The following UGT2B4 variants were observed in gnomAD, a reference collection of about 807,000 sequenced individuals.
UGT2B4 encodes UDP glucuronosyltransferase family 2 member B4.
A neutral mutation model predicts 49.8 loss-of-function variants in UGT2B4; 49 were observed. The observed-to-expected ratio is 0.98, with a 90% CI of 0.78 to 1.25. The LOEUF (loss-of-function observed/expected upper bound fraction) is 1.25. UGT2B4 is among the 50% of genes most tolerant of loss of function. The pLI, the probability that UGT2B4 is intolerant of heterozygous loss-of-function variation, is 0.00. For missense variants in UGT2B4, 729 were observed against 627.7 expected (o/e 1.16, Z -1.73); for synonymous variants, 246 against 217.7 (o/e 1.13, Z -1.14).
At chr4:69,500,876 T>C (rs948888104), upstream of UGT2B4, among the ~76,000 whole-genome samples, 1 of 152,078 alleles carries the variant, frequency 6.6e-6, no homozygotes, top group Non-Finnish European at 1.5e-5. Context: ...CAGAGCTACA[T>C]GGAGTTTAGG....
At chr4:69,511,473 A>C (rs1377239702) in intron 1 of UGT2B4, among the ~76,000 whole-genome samples, 1 of 152,130 alleles carries the variant, frequency 6.6e-6, no homozygotes, top group African/African-American at 2.4e-5. Flanking sequence ...TTGTATGTTC[A>C]ACAATCCTTC....
chr4:69,485,220 A>G lies in UGT2B4; in HGVS notation c.1298T>C (p.Ile433Thr), dbSNP rs767233501. ...TDLLNALKTV[I>T]NDPLYKENAM... is the part of the protein sequence containing the mutation. Reference sequence around the variant, plus strand: ...AAGTTATACTCACAAAGGATCATTAATTACTGTCTTCAGTGCATTGAGTAA... The same window carrying G: ...AAGTTATACTCACAAAGGATCATTAGTTACTGTCTTCAGTGCATTGAGTAA... The change falls in exon 5 of 6, where the codon ATT becomes ACT. Residue 433 changes from isoleucine (I) to threonine (T), a missense_variant. Coordinates refer to ENST00000305107, the MANE Select transcript of UGT2B4 (RefSeq NM_021139.3). The G allele has an allele frequency of 6.2e-7, 1 of 1,614,018 alleles. No individual in the cohort carries two copies. Among genetic ancestry groups the G allele is most frequent in the South Asian group, 1.1e-5 (1 of 91,078 alleles).
At chr4:69,512,581 T>C (rs1402125873) in intron 1 of UGT2B4, among the ~76,000 whole-genome samples, 2 of 152,182 alleles carry the variant, frequency 1.3e-5, no homozygotes, top group African/African-American at 4.8e-5. Flanking sequence ...AGTAAGGAAA[T>C]TGCTGGCTCA....
chr4:69,522,786 GAC>G (rs1728878511), intron 1 of UGT2B4, among the ~76,000 whole-genome samples: 1 of 152,128 alleles, frequency 6.6e-6, no homozygotes. Context: ...AATAGTGTCT[GAC>G]AGCATTTTAC....
chr4:69,495,130 AAG>A lies in UGT2B4; in HGVS notation c.721+9_721+10del. The A allele has an allele frequency of 1.3e-6, 2 of 1,510,138 alleles. No individual in the cohort carries two copies. Among genetic ancestry groups the A allele is most frequent in the Non-Finnish European group, 1.8e-6 (2 of 1,133,716 alleles). 93.5% of individuals were successfully genotyped at this position (1,510,138 alleles called of 1,614,324 possible). A position where few individuals can be genotyped will look rare whatever the true frequency, so the allele number is the denominator to read the frequency against. ...TAGATCTTCATGTTACCAATCAAAA[AAG>A]TTACTTACCTAGAACTTCACTGTAG... On this transcript the variant is annotated intron_variant, in intron 1 of 5. Transcript: ENST00000305107.
chr4:69,504,469 G>T (rs1349158624), intron 1 of UGT2B4, among the ~76,000 whole-genome samples: 3 of 152,070 alleles, frequency 2.0e-5, no homozygotes, highest in Non-Finnish European at 2.9e-5. Context: ...AGTATTAACA[G>T]CAGAATAGAC....
At chr4:69,523,963 G>A (rs905382763) in intron 1 of UGT2B4, among the ~76,000 whole-genome samples, 1 of 152,026 alleles carries the variant, frequency 6.6e-6, no homozygotes, top group African/African-American at 2.4e-5. Context: ...ATGTCTGCTA[G>A]CTTCCAACTT....
upstream of UGT2B4, among the ~76,000 whole-genome samples, chr4:69,499,200 C>T (rs1216469585): frequency 1.3e-5 from 2 of 151,956 alleles, no homozygotes; most frequent in African/African-American, 2.4e-5. Context: ...TCTTAGGTTC[C>T]GATTTGATTG....
At chr4:69,512,394 T>C (rs984712146) in intron 1 of UGT2B4, among the ~76,000 whole-genome samples, 3 of 152,174 alleles carry the variant, frequency 2.0e-5, no homozygotes, top group African/African-American at 7.2e-5. Context: ...TCACTTGCTC[T>C]TTTATGTATT....
At chr4:69,510,869 A>G (rs929565117) in intron 1 of UGT2B4, among the ~76,000 whole-genome samples, 2 of 151,886 alleles carry the variant, frequency 1.3e-5, no homozygotes, top group Non-Finnish European at 2.9e-5. Context: ...TAGCAAGAGT[A>G]GGGTCCTTGC....
At chr4:69,513,002 G>C (rs1728646969) in intron 1 of UGT2B4, among the ~76,000 whole-genome samples, 1 of 152,132 alleles carries the variant, frequency 6.6e-6, no homozygotes, top group Admixed American at 6.6e-5. Context: ...CAGGTGGATA[G>C]ATTGCAAAAA....
intron 1 of UGT2B4, among the ~76,000 whole-genome samples, chr4:69,505,471 G>A (rs552768543): frequency 5.3e-5 from 8 of 151,934 alleles, no homozygotes; most frequent in African/African-American, 1.9e-4. Flanking sequence ...AAAAAGAGAA[G>A]AACACTGCAT....
At chr4:69,506,923 C>T (rs2331749) in intron 1 of UGT2B4, among the ~76,000 whole-genome samples, 31,177 of 151,974 alleles carry the variant, frequency 0.21, 3,366 homozygotes, top group Middle Eastern at 0.27. Flanking sequence ...ACTCAGCCTA[C>T]GGAAATAAAT....
intron 1 of UGT2B4, among the ~76,000 whole-genome samples, chr4:69,524,070 G>A (rs1378580292): frequency 6.6e-6 from 1 of 151,966 alleles, no homozygotes; most frequent in Non-Finnish European, 1.5e-5. Context: ...AATGTTTGTG[G>A]CTGCTTTGAT....
chr4:69,500,671 A>AAAGAC (rs1728297500), upstream of UGT2B4, among the ~76,000 whole-genome samples: 1 of 115,256 alleles, frequency 8.7e-6, no homozygotes, highest in Non-Finnish European at 2.3e-5. Flanking sequence ...GAAAGAAAGG[A>AAAGAC]AGGAAAGAAA....
rs1435780654 is a variant in UGT2B4, at chr4:69,480,464, A to G, written c.*170T>C. ...AATGTTTTCCTCCTTGACATGAAATATTTCTAATGGTTAAACAGGTACTAA... is the reference window on the plus strand; with the variant it reads ...AATGTTTTCCTCCTTGACATGAAATGTTTCTAATGGTTAAACAGGTACTAA... On this transcript the variant is annotated 3_prime_UTR_variant, in exon 6 of 6. Transcript: ENST00000305107. 8 of 958,566 alleles carry G rather than the reference A, an allele frequency of 8.3e-6. No individual in the cohort carries two copies. The highest frequency in any genetic ancestry group is 5.0e-5 in the African/African-American group (3 of 60,422). 59.4% of individuals were successfully genotyped at this position (958,566 alleles called of 1,614,324 possible). A position where few individuals can be genotyped will look rare whatever the true frequency, so the allele number is the denominator to read the frequency against.
At chr4:69,521,657 G>A (rs6600779) in intron 1 of UGT2B4, among the ~76,000 whole-genome samples, 54,637 of 151,968 alleles carry the variant, frequency 0.36, 9,934 homozygotes, top group African/African-American at 0.38. Context: ...AGAGCCAAGC[G>A]CAGCCTGCTG....
chr4:69,485,077 G>T (rs1030847536), intron 5 of UGT2B4, 131 bp downstream of exon 5: 2 of 1,134,260 alleles, frequency 1.8e-6, no homozygotes, highest in Non-Finnish European at 2.5e-6. Context: ...AATAAAAGCA[G>T]ATTTCAGATT....
intron 2 of UGT2B4, among the ~76,000 whole-genome samples, chr4:69,490,477 C>A (rs3822179): frequency 0.13 from 20,221 of 152,026 alleles, 1,648 homozygotes; most frequent in East Asian, 0.32. Context: ...GATTTGGTCA[C>A]CCTCTTGAGT....
Sources: allele counts gnomAD v4.1 joint callset (sites outside exome capture counted in the v4.1 genomes callset), GRCh38; gene constraint gnomAD v4.1.1; transcripts MANE v1.5; gene names NCBI Gene and HGNC (gene_info 2026-07-23, HGNC 2026-07-21).